SHPRH: variants seen among roughly 807,000 people sequenced by gnomAD.
The protein encoded by SHPRH is SNF2 histone linker PHD RING helicase.
A neutral mutation model predicts 202.5 loss-of-function variants in SHPRH; 106 were observed. The observed-to-expected ratio is 0.52, with a 90% CI of 0.45 to 0.62. SHPRH has a LOEUF of 0.62. Among genes scored for constraint, SHPRH ranks in the 20% least tolerant of loss-of-function variants. SHPRH has a pLI of 0.00. For missense variants in SHPRH, 1,710 were observed against 2,020.0 expected (o/e 0.85, Z 2.94); for synonymous variants, 729 against 686.0 (o/e 1.06, Z -0.98).
At chr6:145,955,983 C>T (rs894707707) in intron 1 of SHPRH, among the ~76,000 whole-genome samples, 3 of 151,992 alleles carry the variant, frequency 2.0e-5, no homozygotes, top group Admixed American at 1.3e-4. Flanking sequence ...AGAATTTATG[C>T]AGATGGAAAT....
chr6:145,955,147 T>G lies in SHPRH; in HGVS notation c.176A>C (p.Asp59Ala). The G allele has an allele frequency of 6.2e-7, 1 of 1,613,816 alleles. No individual in the cohort carries two copies. Among genetic ancestry groups the G allele is most frequent in the Non-Finnish European group, 8.5e-7 (1 of 1,179,948 alleles). ...TSSAHYIILS[D>A]SLKEEVAHRD... ...GTGAGCCACTTCTTCCTTTAGACTA[T>G]CACTTAGAATGATATAATGAGCAGA... The change falls in exon 2 of 30, where the codon GAT becomes GCT. Residue 59 changes from aspartate to alanine, a missense_variant. Asp to Ala is a moderately radical substitution (Grantham distance 126). Coordinates refer to ENST00000275233, the MANE Select transcript of SHPRH (RefSeq NM_001042683.3).
At chr6:145,945,684 A>G in intron 7 of SHPRH, 47 bp from the exon 8 acceptor site, 1 of 1,516,404 alleles carries the variant, frequency 6.6e-7, no homozygotes, top group Non-Finnish European at 8.8e-7. Flanking sequence ...ATTAAAATGA[A>G]AAGAAAGTAA....
chr6:145,894,192 G>A lies in SHPRH; in HGVS notation c.4653C>T (p.Asn1551=). The stretch of plus-strand genomic sequence containing the variant: ...GACTGATTTGTGCAAATTCCATGTT[G>A]TTGTCAGTAAGAGCTTTTGAAATAA... ...LDIISKALTD[N]NMEFAQISRV... is the part of the protein sequence containing the mutation. Residue 1551 remains asparagine, a synonymous_variant, in exon 27 of 30, where the codon AAC becomes AAT. Transcript: ENST00000275233. 1 of 1,605,690 alleles carries A rather than the reference G, an allele frequency of 6.2e-7. No homozygotes were observed. Among genetic ancestry groups the A allele is most frequent in the Non-Finnish European group, 8.5e-7 (1 of 1,176,674 alleles).
rs140256265 is a variant in SHPRH at position 145,950,398 on chromosome 6, G to A, written c.848C>T (p.Thr283Ile). 4.2e-5 allele frequency: 68 copies of A among 1,613,308 alleles called. No individual in the cohort carries two copies. In the African/African-American group the frequency reaches 8.3e-4, roughly 20 times the overall value. Residue 283 changes from threonine to isoleucine, a missense_variant, in exon 4 of 30, where the codon ACA becomes ATA. Transcript: ENST00000275233. Reference sequence around the variant, plus strand: ...GATGGACTGCGTTTCTTGCTGATGTGTTTGTTTCACAAAGTGATACAGCTC... The same window carrying A: ...GATGGACTGCGTTTCTTGCTGATGTATTTGTTTCACAAAGTGATACAGCTC... ...IDELYHFVKQ[T>I]HQQETQSIQV...
rs756432908 is a variant in SHPRH, at chr6:145,885,651, C to A, written c.*1040G>T. The A allele has an allele frequency of 6.6e-6, 1 of 152,134 alleles. No homozygotes were observed. Among genetic ancestry groups the A allele is most frequent in the South Asian group, 2.1e-4 (1 of 4,828 alleles). 9.4% of individuals were successfully genotyped at this position (152,134 alleles called of 1,614,324 possible). A position where few individuals can be genotyped will look rare whatever the true frequency, so the allele number is the denominator to read the frequency against. ...ATTCCTCACAGAAGAAGAAACACTT[C>A]GTTATTATCACTTGCAACGATTTGC... On this transcript the variant is annotated 3_prime_UTR_variant, in exon 30 of 30. Coordinates refer to ENST00000275233, the MANE Select transcript of SHPRH (RefSeq NM_001042683.3).
At position 145,935,143 on chromosome 6, in the gene SHPRH, G is replaced by A. The variant is rs370109061; in HGVS notation, c.2754C>T (p.Thr918=). Residue 918 remains threonine, a synonymous_variant, in exon 13 of 30, where the codon ACC becomes ACT. Coordinates refer to ENST00000275233, the MANE Select transcript of SHPRH (RefSeq NM_001042683.3). ...VIDQIQIPPQ[T]EEIHWLHFSP... Reference sequence around the variant, plus strand: ...AAAAGTGGAGCCAGTGTATTTCTTCGGTTTGTGGTGGTATTTGGATCTGTG... The same window carrying A: ...AAAAGTGGAGCCAGTGTATTTCTTCAGTTTGTGGTGGTATTTGGATCTGTG... 45 of 1,613,182 alleles carry A rather than the reference G, an allele frequency of 2.8e-5. No individual in the cohort carries two copies. Among genetic ancestry groups the A allele is most frequent in the African/African-American group, 1.7e-4 (13 of 74,642 alleles).
intron 29 of SHPRH, among the ~76,000 whole-genome samples, chr6:145,887,659 C>T (rs549813993): frequency 6.6e-6 from 1 of 151,920 alleles, no homozygotes; most frequent in East Asian, 1.9e-4. Context: ...CTTCAGCCTC[C>T]CGACTAGCTA....
chr6:145,927,671 T>C (rs1344860456), intron 14 of SHPRH, among the ~76,000 whole-genome samples: 2 of 151,832 alleles, frequency 1.3e-5, no homozygotes, highest in East Asian at 1.9e-4. Flanking sequence ...AAGGATAAAC[T>C]TAAGGTAATT....
At chr6:145,950,193 C>T in intron 4 of SHPRH, 71 bp downstream of exon 4, 2 of 1,279,670 alleles carry the variant, frequency 1.6e-6, no homozygotes, top group Admixed American at 1.9e-5. Flanking sequence ...TGATCAATTT[C>T]ACCCTGCCCT....
chr6:145,860,477 C>T (rs2128681199), downstream of SHPRH, among the ~76,000 whole-genome samples: 1 of 152,016 alleles, frequency 6.6e-6, no homozygotes, highest in East Asian at 1.9e-4. Context: ...AACTACAAAA[C>T]ATTGATGAAA....
intron 25 of SHPRH, chr6:145,907,838 T>C (rs1018550805): frequency 7.9e-5 from 12 of 152,110 alleles, no homozygotes; most frequent in African/African-American, 2.7e-4. Flanking sequence ...GTACAGAATA[T>C]GCAGGCTTGT....
At position 145,941,482 on chromosome 6, in the gene SHPRH, CAAG is replaced by C; in HGVS notation, c.2490+138_2490+140del. On this transcript the variant is annotated intron_variant, in intron 10 of 29. Transcript: ENST00000275233. ...TAGTTCAAAGCACAAGAGAAAAGCA[CAAG>C]TAGTGTTTAATAACAAACTTTTGAC... 4 of 1,284,564 alleles carry C rather than the reference CAAG, an allele frequency of 3.1e-6. 1 individual carries two copies. The South Asian group carries it at 5.8e-5, about 19-fold the overall frequency. 79.6% of individuals were successfully genotyped at this position (1,284,564 alleles called of 1,614,324 possible).
At position 145,935,350 on chromosome 6, in the gene SHPRH, C is replaced by A. The variant is rs1362101288; in HGVS notation, c.2661G>T (p.Lys887Asn). 3 of 1,614,016 alleles carry A rather than the reference C, an allele frequency of 1.9e-6. No individual in the cohort carries two copies. Among genetic ancestry groups the A allele is most frequent in the Non-Finnish European group, 2.5e-6 (3 of 1,179,998 alleles). The change falls in exon 12 of 30, where the codon AAG (lysine) becomes AAT (asparagine). Residue 887 changes from lysine to asparagine, a missense_variant. By Grantham distance (94) the Lys-to-Asn change is moderately conservative. Transcript: ENST00000275233. Reference protein sequence around the residue: ...VRLLYRPYCKKNPQHLYSFIA... With the variant: ...VRLLYRPYCKNNPQHLYSFIA... ...TAAAGCTGTAGAGATGCTGAGGATT[C>A]TTCTTGCAGTAAGGCCGATAGAGAA...
At chr6:145,871,015 T>TA in intron 2 of SHPRH, 2 of 152,338 alleles carry the variant, frequency 1.3e-5, no homozygotes, top group East Asian at 3.9e-4. Flanking sequence ...TCCTTCATGT[T>TA]AAAAACTCTC....
rs1235232529 is a variant in SHPRH at position 145,893,327 on chromosome 6, A to C, written c.4762T>G (p.Ser1588Ala). ...GCTTCAATGATAGTTAATCCATTAGAACCTGTGTGCAGGGGCAGCAGCAAA... is the reference window on the plus strand; with the variant it reads ...GCTTCAATGATAGTTAATCCATTAGCACCTGTGTGCAGGGGCAGCAGCAAA... The part of the protein sequence containing the change: ...NILLLPLHTG[S>A]NGLTIIEATH... The change falls in exon 28 of 30, where the codon TCT (serine) becomes GCT (alanine). Residue 1588 changes from serine (S) to alanine (A), a missense_variant. Coordinates refer to ENST00000275233, the MANE Select transcript of SHPRH (RefSeq NM_001042683.3). 1 of 1,605,704 alleles carries C rather than the reference A, an allele frequency of 6.2e-7. No individual in the cohort carries two copies. Among genetic ancestry groups the C allele is most frequent in the Non-Finnish European group, 8.5e-7 (1 of 1,176,508 alleles).
Position 145,884,994 on chromosome 6 carries a change from C to T in SHPRH, c.*1697G>A, listed in dbSNP as rs1255431804. The T allele has an allele frequency of 3.3e-5, 5 of 152,000 alleles. No individual in the cohort carries two copies. In the East Asian group the frequency reaches 7.7e-4, roughly 23 times the overall value. 9.4% of individuals were successfully genotyped at this position (152,000 alleles called of 1,614,324 possible). ...AGTAGAAAACAAACACAAAGAAATACTGAAATAGTCTCATTTTTAAATTAT... is the reference window on the plus strand; with the variant it reads ...AGTAGAAAACAAACACAAAGAAATATTGAAATAGTCTCATTTTTAAATTAT... On this transcript the variant is annotated 3_prime_UTR_variant, in exon 30 of 30. Transcript: ENST00000275233.
chr6:145,915,531 T>C (rs1242998268), intron 23 of SHPRH, among the ~76,000 whole-genome samples: 1 of 151,948 alleles, frequency 6.6e-6, no homozygotes, highest in African/African-American at 2.4e-5. Flanking sequence ...TCACTTTTTT[T>C]AAAAAAAGGA....
chr6:145,961,806 C>T (rs917126013), intron 1 of SHPRH, among the ~76,000 whole-genome samples: 1 of 152,164 alleles, frequency 6.6e-6, no homozygotes, highest in African/African-American at 2.4e-5. Flanking sequence ...CAAAAATCAA[C>T]CAACCAAACA....
intron 26 of SHPRH, among the ~76,000 whole-genome samples, chr6:145,894,657 T>G (rs1313999320): frequency 6.6e-6 from 1 of 152,060 alleles, no homozygotes; most frequent in Non-Finnish European, 1.5e-5. Context: ...AAGAAAATCC[T>G]TAAATGAAAC....
Sources: allele counts gnomAD v4.1 joint callset (sites outside exome capture counted in the v4.1 genomes callset), GRCh38; gene constraint gnomAD v4.1.1; transcripts MANE v1.5; gene names NCBI Gene and HGNC (gene_info 2026-07-23, HGNC 2026-07-21).